Variants in MYO5B observed in about 807,000 individuals in gnomAD.
The protein encoded by MYO5B is unconventional myosin-Vb.
In MYO5B, 143 loss-of-function variants were observed where a neutral mutation model predicts 229.3. The ratio of observed to expected loss-of-function variants is 0.62; its 90% CI spans 0.54 to 0.72. The LOEUF is 0.72. Among genes scored for constraint, MYO5B ranks in the 30% least tolerant of loss-of-function variants. MYO5B has a pLI of 0.00. For synonymous variants in MYO5B, 918 were observed against 885.2 expected (o/e 1.04, Z -0.66); for missense variants, 2,321 against 2,331.0 (o/e 1.00, Z 0.09).
chr18:49,863,371 C>T, intron 28 of MYO5B, 44 bp from the exon 29 acceptor site: 1 of 1,543,108 alleles, frequency 6.5e-7, no homozygotes, highest in South Asian at 1.1e-5. Flanking sequence ...TAAACAATTG[C>T]CACAAAATGG....
intron 1 of MYO5B, among the ~76,000 whole-genome samples, chr18:50,079,726 G>A (rs1040405034): frequency 2.6e-5 from 4 of 152,206 alleles, no homozygotes; most frequent in East Asian, 3.8e-4. Context: ...TGGGATGGGC[G>A]GGAGCCTCTG....
At chr18:50,088,086 A>G (rs944470212) in intron 1 of MYO5B, among the ~76,000 whole-genome samples, 16 of 152,182 alleles carry the variant, frequency 1.1e-4, no homozygotes, top group Non-Finnish European at 5.9e-5. Flanking sequence ...TAGACCAGGG[A>G]AAGAAGCCAG....
At chr18:49,863,574 C>A (rs908589794) in intron 28 of MYO5B, among the ~76,000 whole-genome samples, 2 of 152,222 alleles carry the variant, frequency 1.3e-5, no homozygotes, top group Non-Finnish European at 2.9e-5. Flanking sequence ...CCAGGAGGTG[C>A]CCCTGGGAGG....
At chr18:49,957,935 C>G (rs114366428) in intron 12 of MYO5B, among the ~76,000 whole-genome samples, 1 of 152,144 alleles carries the variant, frequency 6.6e-6, no homozygotes, top group Non-Finnish European at 1.5e-5. Flanking sequence ...AGCTGGCCCC[C>G]CCCAGGACTC....
chr18:50,119,933 A>AAG (rs2032029612), intron 1 of MYO5B, among the ~76,000 whole-genome samples: 1 of 149,998 alleles, frequency 6.7e-6, no homozygotes. Flanking sequence ...GGCTAGAACC[A>AAG]AGAGAGAGGG....
chr18:49,879,495 G>A, intron 23 of MYO5B: 1 of 247,718 alleles, frequency 4.0e-6, no homozygotes. Flanking sequence ...AGGCGACTGG[G>A]GTAAAAGGAA....
intron 21 of MYO5B, among the ~76,000 whole-genome samples, chr18:49,898,144 G>A (rs1446129001): frequency 5.9e-5 from 9 of 152,278 alleles, no homozygotes; most frequent in East Asian, 1.9e-4. Context: ...TTGTGTAAGC[G>A]AAATCTATGA....
chr18:50,002,089 C>A (rs553456187), intron 4 of MYO5B, among the ~76,000 whole-genome samples: 18 of 152,142 alleles, frequency 1.2e-4, no homozygotes, highest in Non-Finnish European at 2.4e-4. Context: ...ATCATCTCCC[C>A]TTTGTTTCCC....
chr18:49,961,864 G>A (rs1314359885), intron 12 of MYO5B, among the ~76,000 whole-genome samples: 6 of 152,186 alleles, frequency 3.9e-5, no homozygotes, highest in Non-Finnish European at 7.3e-5. Flanking sequence ...ACCATGCCAT[G>A]CAACTCTATC....
intron 4 of MYO5B, among the ~76,000 whole-genome samples, chr18:50,032,520 A>G (rs1175005131): frequency 1.3e-5 from 2 of 152,294 alleles, no homozygotes; most frequent in African/African-American, 4.8e-5. Flanking sequence ...AGGTTTATCA[A>G]TGTGGTAGCA....
chr18:49,832,657 A>G (rs528288262), intron 39 of MYO5B, among the ~76,000 whole-genome samples: 2 of 152,330 alleles, frequency 1.3e-5, no homozygotes, highest in East Asian at 3.9e-4. Context: ...CCACGTTTTC[A>G]TCCATTACCT....
chr18:49,991,367 TA>T (rs1049532863), intron 6 of MYO5B, among the ~76,000 whole-genome samples: 3 of 152,156 alleles, frequency 2.0e-5, no homozygotes, highest in African/African-American at 7.2e-5. Flanking sequence ...GGAAGCCATT[TA>T]ACCCAAGGCA....
chr18:50,193,539 A>T (rs1211990498), intron 1 of MYO5B, among the ~76,000 whole-genome samples: 1 of 152,238 alleles, frequency 6.6e-6, no homozygotes, highest in East Asian at 1.9e-4. Flanking sequence ...GCCGCGTGTG[A>T]TCGCCAGGTA....
chr18:50,138,873 A>C (rs1170087266), intron 1 of MYO5B, among the ~76,000 whole-genome samples: 1 of 152,176 alleles, frequency 6.6e-6, no homozygotes, highest in Non-Finnish European at 1.5e-5. Context: ...GCGATTCTGC[A>C]GGGCAGAGCC....
chr18:50,069,821 G>A (rs1235213936), intron 1 of MYO5B, among the ~76,000 whole-genome samples: 5 of 151,894 alleles, frequency 3.3e-5, no homozygotes, highest in Non-Finnish European at 7.4e-5. Context: ...ACTTCTCCAA[G>A]CCCAACCCAA....
chr18:50,113,305 A>G (rs2031901004), intron 1 of MYO5B, among the ~76,000 whole-genome samples: 1 of 152,226 alleles, frequency 6.6e-6, no homozygotes, highest in African/African-American at 2.4e-5. Context: ...GCTTTGACAT[A>G]AAACCAAAAG....
At chr18:50,090,295 A>G (rs1210709218) in intron 1 of MYO5B, among the ~76,000 whole-genome samples, 1 of 149,756 alleles carries the variant, frequency 6.7e-6, no homozygotes, top group Non-Finnish European at 1.5e-5. Flanking sequence ...GTGAACCAAG[A>G]TCATGCCACC....
At chr18:50,045,416 CAG>C (rs1387894191) in intron 2 of MYO5B, among the ~76,000 whole-genome samples, 1 of 152,154 alleles carries the variant, frequency 6.6e-6, no homozygotes, top group African/African-American at 2.4e-5. Context: ...CTTTTTGAGA[CAG>C]AGTCTTGCTC....
chr18:49,971,458 G>T (rs2025691320), intron 10 of MYO5B, among the ~76,000 whole-genome samples: 1 of 152,214 alleles, frequency 6.6e-6, no homozygotes, highest in Non-Finnish European at 1.5e-5. Flanking sequence ...TTTCCACCCA[G>T]GGTTCTGTGT....
Sources: gnomAD v4.1 joint callset for allele counts (sites outside exome capture counted in the v4.1 genomes callset) on GRCh38, gnomAD v4.1.1 for gene constraint, MANE v1.5 for transcripts, NCBI Gene and HGNC (gene_info 2026-07-23, HGNC 2026-07-21) for gene names.